The following VAV2 variants were observed in gnomAD, a reference collection of about 807,000 sequenced individuals.
VAV2 encodes the protein guanine nucleotide exchange factor VAV2.
In VAV2, 67 loss-of-function variants were observed where a neutral mutation model predicts 132.5. The ratio of observed to expected loss-of-function variants is 0.51; its 90% confidence interval spans 0.42 to 0.62. The LOEUF (loss-of-function observed/expected upper bound fraction) is 0.62. Among genes scored for constraint, VAV2 ranks in the 20% least tolerant of loss-of-function variants. VAV2 has a pLI of 0.00. For synonymous variants in VAV2, 492 were observed against 443.5 expected (o/e 1.11, Z -1.37); for missense variants, 938 against 1,153.6 (o/e 0.81, Z 2.71).
chr9:133,869,449 T>TAA (rs375726025), intron 2 of VAV2, among the ~76,000 whole-genome samples: 1 of 134,222 alleles, frequency 7.5e-6, no homozygotes, highest in Non-Finnish European at 1.6e-5. Context: ...CTACAAAAAA[T>TAA]AAAAAAAAAA....
intron 1 of VAV2, among the ~76,000 whole-genome samples, chr9:133,950,422 G>C (rs1486594738): frequency 1.3e-5 from 2 of 152,130 alleles, no homozygotes; most frequent in Non-Finnish European, 2.9e-5. Context: ...AGAGCCAGCA[G>C]CTGAGAGAGG....
At chr9:133,893,400 G>A (rs547677271) in intron 2 of VAV2, among the ~76,000 whole-genome samples, 8 of 152,310 alleles carry the variant, frequency 5.3e-5, no homozygotes, top group African/African-American at 9.6e-5. Context: ...TCCCACAGTC[G>A]GGCAGCGCCA....
At chr9:133,851,664 G>GTGGATGGA (rs144389638) in intron 3 of VAV2, among the ~76,000 whole-genome samples, 1,877 of 151,140 alleles carry the variant, frequency 0.012, 44 homozygotes, top group African/African-American at 0.041. Context: ...GGACAGAAGG[G>GTGGATGGA]TGGATGGATG....
In VAV2 at chr9:133,939,181, G is replaced by A. The variant is rs150418135; in HGVS notation, c.243C>T (p.Val81=). Residue 81 remains valine, a synonymous_variant, in exon 2 of 30, where the codon GTC becomes GTT. Coordinates refer to ENST00000371850, the MANE Select transcript of VAV2 (RefSeq NM_001134398.2). ...TCCTTAATCCAAATTTATCGTGGCAGACTTTCAGGAAGGTGCGTATGTTCT... is the reference window on the plus strand; with the variant it reads ...TCCTTAATCCAAATTTATCGTGGCAAACTTTCAGGAAGGTGCGTATGTTCT... ...CLKNIRTFLK[V]CHDKFGLRNS... The A allele has an allele frequency of 2.6e-5, 42 of 1,614,250 alleles. No individual in the cohort carries two copies. The African/African-American group carries it at 5.3e-4, about 20-fold the overall frequency.
At chr9:133,854,654 G>C (rs1405309928) in intron 3 of VAV2, among the ~76,000 whole-genome samples, 2 of 150,444 alleles carry the variant, frequency 1.3e-5, no homozygotes, top group East Asian at 3.8e-4. Flanking sequence ...GAGGGGGCCA[G>C]ACCCCAGCCT....
chr9:133,972,055 A>G (rs553037867), intron 1 of VAV2, among the ~76,000 whole-genome samples: 20 of 152,178 alleles, frequency 1.3e-4, no homozygotes, highest in African/African-American at 4.3e-4. Flanking sequence ...CCAAGCCCCA[A>G]TTCCTGTCCC....
At chr9:133,951,224 CAGA>C (rs1209212544) in intron 1 of VAV2, among the ~76,000 whole-genome samples, 1 of 152,236 alleles carries the variant, frequency 6.6e-6, no homozygotes, top group African/African-American at 2.4e-5. Context: ...TCTTCCCCTG[CAGA>C]AGGCCACAAG....
chr9:133,947,853 G>A (rs943782401), intron 1 of VAV2, among the ~76,000 whole-genome samples: 7 of 148,142 alleles, frequency 4.7e-5, no homozygotes, highest in Admixed American at 4.7e-4. Flanking sequence ...GCAGTGGCGT[G>A]ATCTCGGCTC....
chr9:133,776,596 C>T (rs1448797434), intron 23 of VAV2, among the ~76,000 whole-genome samples: 7 of 152,154 alleles, frequency 4.6e-5, no homozygotes, highest in Admixed American at 4.6e-4. Context: ...ATTCACCATG[C>T]AGATGGGGAA....
chr9:133,788,452 AGAC>A lies in VAV2; in HGVS notation c.1306_1308del (p.Val436del). On this transcript the variant is annotated inframe_deletion, in exon 15 of 30. Coordinates refer to ENST00000371850, the MANE Select transcript of VAV2 (RefSeq NM_001134398.2). This position sits in a 1 kb window ranked among gnomAD's most constrained non-coding sequence, Gnocchi z 5.3. ...TCGTAGCTGTAGCCCTTCCGCTTGC[AGAC>A]GATGACCACCTTGTCAAACAGGAAC... 1 of 1,611,822 alleles carries A rather than the reference AGAC, an allele frequency of 6.2e-7. No individual in the cohort carries two copies. Among genetic ancestry groups the A allele is most frequent in the Non-Finnish European group, 8.5e-7 (1 of 1,178,156 alleles).
intron 29 of VAV2, among the ~76,000 whole-genome samples, chr9:133,766,761 T>C (rs1381713522): frequency 2.6e-5 from 3 of 116,426 alleles, no homozygotes; most frequent in Admixed American, 1.7e-4. Context: ...TATAAATAAA[T>C]ATATATATAT....
intron 3 of VAV2, among the ~76,000 whole-genome samples, chr9:133,852,203 C>A (rs558188879): frequency 1.3e-5 from 2 of 151,522 alleles, no homozygotes; most frequent in Non-Finnish European, 2.9e-5. Context: ...GATGGACAGA[C>A]TGATGAATAG....
intron 2 of VAV2, among the ~76,000 whole-genome samples, chr9:133,924,838 A>G (rs1189611912): frequency 6.6e-6 from 1 of 152,274 alleles, no homozygotes; most frequent in Non-Finnish European, 1.5e-5. Context: ...ACAGGTGCAT[A>G]GATGGACAAG....
intron 2 of VAV2, among the ~76,000 whole-genome samples, chr9:133,898,120 T>C (rs1839286465): frequency 6.6e-6 from 1 of 151,842 alleles, no homozygotes; most frequent in African/African-American, 2.4e-5. Flanking sequence ...CCGGGTACCC[T>C]GAGGCTGGGA....
intron 4 of VAV2, among the ~76,000 whole-genome samples, chr9:133,816,638 A>C (rs532189153): frequency 6.6e-6 from 1 of 152,142 alleles, no homozygotes; most frequent in Non-Finnish European, 1.5e-5. Flanking sequence ...GAGGCTGAGG[A>C]AGGAGGATTG....
chr9:133,979,339 C>T (rs776638383), intron 1 of VAV2, among the ~76,000 whole-genome samples: 7 of 152,172 alleles, frequency 4.6e-5, no homozygotes, highest in Non-Finnish European at 7.3e-5. Context: ...AGGATCTGAA[C>T]GCGGCTGTCA....
At chr9:133,964,045 A>G (rs1842058432) in intron 1 of VAV2, among the ~76,000 whole-genome samples, 1 of 94,724 alleles carries the variant, frequency 1.1e-5, no homozygotes. Context: ...ATATATATAT[A>G]TATACATATA....
In VAV2 at chr9:133,802,597, G is replaced by GACAGCA; in HGVS notation, c.836+3483_836+3484insTGCTGT. ...CAAGGTATGTGGTTCCCTTGCTCGTGAGTTGACAGACCCGTGGCCCGAGCT... is the reference window on the plus strand; with the variant it reads ...CAAGGTATGTGGTTCCCTTGCTCGTGACAGCAAGTTGACAGACCCGTGGCCCGAGCT... On this transcript the variant is annotated intron_variant, in intron 9 of 29. Transcript: ENST00000371850. This position sits in a 1 kb window ranked among gnomAD's most constrained non-coding sequence, Gnocchi z 5.8. Among the ~76,000 whole-genome samples the GACAGCA allele has an allele frequency of 6.6e-6, 1 of 152,214 alleles. No homozygotes were observed. Among genetic ancestry groups the GACAGCA allele is most frequent in the Non-Finnish European group, 1.5e-5 (1 of 68,040 alleles).
chr9:133,916,008 C>A (rs1325469763), intron 2 of VAV2, among the ~76,000 whole-genome samples: 2 of 152,122 alleles, frequency 1.3e-5, no homozygotes, highest in African/African-American at 4.8e-5. Context: ...TACATGTGCA[C>A]ACATGCACGG....
Sources: gnomAD v4.1 joint callset for allele counts (sites outside exome capture counted in the v4.1 genomes callset) on GRCh38, gnomAD v4.1.1 for gene constraint, Gnocchi (gnomAD v3.1) non-coding constraint, MANE v1.5 for transcripts, NCBI Gene and HGNC (gene_info 2026-07-23, HGNC 2026-07-21) for gene names.